Variants in MAGT1 observed in about 807,000 individuals in gnomAD.
MAGT1 encodes magnesium transporter 1, also known as dolichyl-diphosphooligosaccharide--protein glycosyltransferase subunit MAGT1.
In MAGT1, 4 loss-of-function variants were observed where a neutral mutation model predicts 28.4. The ratio of observed to expected loss-of-function variants is 0.14; its 90% confidence interval spans 0.07 to 0.32. MAGT1 has a LOEUF of 0.32. Among genes scored for constraint, MAGT1 ranks in the 10% least tolerant of loss-of-function variants. The probability of loss-of-function intolerance (pLI) is 1.00; values close to 1 mark genes in which losing one functional copy is unlikely to be tolerated. For synonymous variants in MAGT1, 89 were observed against 89.7 expected (o/e 0.99, Z 0.04); for missense variants, 193 against 264.5 (o/e 0.73, Z 1.88).
intron 1 of MAGT1, among the ~76,000 whole-genome samples, chrX:77,893,925 CG>C (rs1569548374): frequency 4.5e-5 from 5 of 110,164 alleles, no homozygotes; most frequent in Admixed American, 9.8e-5. Flanking sequence ...AAGTGGTCAT[CG>C]TGGAAATTCA....
At chrX:77,862,317 G>C (rs1346291219) in intron 3 of MAGT1, among the ~76,000 whole-genome samples, 2 of 110,426 alleles carry the variant, frequency 1.8e-5, no homozygotes, top group Admixed American at 9.7e-5. Context: ...ACTATTCAAG[G>C]TACGAAAGTG....
intron 1 of MAGT1, among the ~76,000 whole-genome samples, chrX:77,880,537 C>CA (rs1168324368): frequency 3.7e-5 from 4 of 107,958 alleles, no homozygotes; most frequent in South Asian, 4.0e-4. Context: ...CAAAACAAAA[C>CA]AAAAAAAACA....
At chrX:77,850,652 C>G (rs1002909309) in intron 7 of MAGT1, among the ~76,000 whole-genome samples, 3 of 111,057 alleles carry the variant, frequency 2.7e-5, no homozygotes, top group East Asian at 5.6e-4. Context: ...AATAACCAAA[C>G]ACAAGACATT....
intron 7 of MAGT1, among the ~76,000 whole-genome samples, chrX:77,852,529 T>C (rs1459693699): frequency 1.8e-5 from 2 of 112,159 alleles, no homozygotes; most frequent in Non-Finnish European, 3.8e-5. Flanking sequence ...TTATTTGTAT[T>C]CTAAATTTTC....
At chrX:77,849,558 T>C (rs1387928020) in intron 7 of MAGT1, among the ~76,000 whole-genome samples, 2 of 111,049 alleles carry the variant, frequency 1.8e-5, no homozygotes, top group East Asian at 5.6e-4. Flanking sequence ...GTTACATAAG[T>C]GTGTTAATTC....
chrX:77,894,614 T>A (rs1557219736), intron 1 of MAGT1, among the ~76,000 whole-genome samples: 2 of 112,001 alleles, frequency 1.8e-5, no homozygotes, highest in African/African-American at 3.2e-5. Context: ...GGACTCCAAA[T>A]CACAAACGTT....
intron 8 of MAGT1, among the ~76,000 whole-genome samples, chrX:77,834,267 T>TAC (rs1294322954): frequency 1.0e-5 from 1 of 98,751 alleles, no homozygotes; most frequent in Non-Finnish European, 2.0e-5. Flanking sequence ...TGTGTGTATA[T>TAC]ATGCATATAT....
chrX:77,859,253 C>A (rs2076988837), intron 3 of MAGT1, among the ~76,000 whole-genome samples: 1 of 111,587 alleles, frequency 9.0e-6, no homozygotes, highest in South Asian at 3.7e-4. Flanking sequence ...TATAAATACA[C>A]TTCTCTTGTA....
In MAGT1 at chrX:77,872,807, T is replaced by C. The variant is rs782031957; in HGVS notation, c.273-1882A>G. ...TTATATTGCCATCTAAATTTTCATA[T>C]GTGTAACTCATTTCCTTAACCAGAT... On this transcript the variant is annotated intron_variant, in intron 2 of 9. Transcript: ENST00000618282. Among the ~76,000 whole-genome samples the C allele has an allele frequency of 7.1e-5, 8 of 112,464 alleles. No individual in the cohort carries two copies. The South Asian group carries it at 2.5e-3, about 36-fold the overall frequency.
chrX:77,872,717 C>CT (rs1387627316), intron 2 of MAGT1, among the ~76,000 whole-genome samples: 3 of 111,898 alleles, frequency 2.7e-5, no homozygotes, highest in Non-Finnish European at 5.6e-5. Context: ...TATTAACCTT[C>CT]TTTCCTGAAA....
At chrX:77,849,041 A>G (rs1204897232) in intron 7 of MAGT1, among the ~76,000 whole-genome samples, 1 of 107,270 alleles carries the variant, frequency 9.3e-6, no homozygotes, top group Non-Finnish European at 1.9e-5. Context: ...AAATCCATAT[A>G]TATTTATTCT....
intron 1 of MAGT1, among the ~76,000 whole-genome samples, chrX:77,880,808 G>C (rs1557218348): frequency 9.3e-6 from 1 of 107,177 alleles, no homozygotes; most frequent in East Asian, 3.0e-4. Flanking sequence ...AAATATAAAA[G>C]TTAGCTGGGC....
intron 1 of MAGT1, among the ~76,000 whole-genome samples, chrX:77,876,816 C>A (rs1569548206): frequency 9.1e-6 from 1 of 109,765 alleles, no homozygotes; most frequent in Non-Finnish European, 1.9e-5. Flanking sequence ...GAGTTCGAAA[C>A]CAGCCTAACC....
intron 1 of MAGT1, among the ~76,000 whole-genome samples, chrX:77,886,054 C>T (rs782415347): frequency 1.8e-5 from 2 of 111,096 alleles, no homozygotes; most frequent in Admixed American, 9.7e-5. Flanking sequence ...AACTCCTGGC[C>T]CCAATAGACA....
In MAGT1 at chrX:77,857,339, C is replaced by T; in HGVS notation, c.531+18G>A. The T allele has an allele frequency of 1.7e-6, 2 of 1,209,540 alleles. No individual in the cohort carries two copies. Among genetic ancestry groups the T allele is most frequent in the Admixed American group, 2.2e-5 (1 of 45,603 alleles). Reference sequence around the variant, plus strand: ...GGGATAATGGCCAAGAAACAGTCTACATAGTTGGGAAACTTACATTGACAT... The same window carrying T: ...GGGATAATGGCCAAGAAACAGTCTATATAGTTGGGAAACTTACATTGACAT... On this transcript the variant is annotated intron_variant, in intron 4 of 9. Transcript: ENST00000618282.
chrX:77,890,928 C>T (rs1385479029), intron 1 of MAGT1, among the ~76,000 whole-genome samples: 1 of 111,204 alleles, frequency 9.0e-6, no homozygotes, highest in African/African-American at 3.3e-5. Context: ...TATCTGCCAT[C>T]CTAGCATTAT....
At position 77,829,201 on chromosome X, in the gene MAGT1, A is replaced by T; in HGVS notation, c.*19T>A. On this transcript the variant is annotated 3_prime_UTR_variant, in exon 10 of 10. Transcript: ENST00000618282. ...TTCAATTTCCAGTACTCCAGTGTCT[A>T]TATATCTCTGGGACCTTTTTAACTC... The T allele has an allele frequency of 8.4e-7, 1 of 1,192,976 alleles. No individual in the cohort carries two copies. Among genetic ancestry groups the T allele is most frequent in the Non-Finnish European group, 1.1e-6 (1 of 878,609 alleles).
intron 1 of MAGT1, chrX:77,885,558 A>G (rs2077065721): frequency 9.3e-6 from 1 of 107,525 alleles, no homozygotes; most frequent in South Asian, 4.1e-4. Flanking sequence ...TCACTTTGTC[A>G]CCCAGATTGG....
At chrX:77,862,705 A>C (rs2076997848) in intron 3 of MAGT1, among the ~76,000 whole-genome samples, 1 of 111,642 alleles carries the variant, frequency 9.0e-6, no homozygotes, top group Admixed American at 9.6e-5. Flanking sequence ...GTGAGATATC[A>C]TCTTCTCCCA....
Sources: allele counts gnomAD v4.1 joint callset (sites outside exome capture counted in the v4.1 genomes callset), GRCh38; gene constraint gnomAD v4.1.1; transcripts MANE v1.5; gene names NCBI Gene and HGNC (gene_info 2026-07-23, HGNC 2026-07-21).